LRRC39: variants seen among roughly 807,000 people sequenced by gnomAD.
LRRC39 encodes the protein leucine rich repeat containing 39.
Under a neutral mutation model 39.7 loss-of-function variants are expected in LRRC39, and 35 were observed. That is an observed-to-expected ratio of 0.88 (90% CI 0.67 to 1.17). The LOEUF (loss-of-function observed/expected upper bound fraction) is 1.17, where lower values mean the gene tolerates loss of function less well. Among genes scored for constraint, LRRC39 ranks in the 50% most tolerant of loss-of-function variants. The pLI is 0.00. For synonymous variants in LRRC39, 113 were observed against 134.1 expected, an observed-to-expected ratio of 0.84 and a Z score of 1.09; for missense variants, 357 against 385.8, an observed-to-expected ratio of 0.93 and a Z score of 0.62.
At chr1:100,156,989 A>T (rs1452176915) in intron 6 of LRRC39, among the ~76,000 whole-genome samples, 1 of 152,222 alleles carries the variant, frequency 6.6e-6, no homozygotes, top group Non-Finnish European at 1.5e-5. Context: ...GTCTCAAAAA[A>T]AAAGACTGGT....
rs558157068 is a variant in LRRC39, at chr1:100,155,005, CAGAA to C, written c.812+42_812+45del. The C allele has an allele frequency of 1.4e-4, 209 of 1,509,644 alleles. No individual in the cohort carries two copies. In the Middle Eastern group the frequency reaches 2.1e-3, roughly 15 times the overall value. The allele number at this position is 1,509,644 out of a possible 1,614,324, so 93.5% of individuals were successfully genotyped here. On this transcript the variant is annotated intron_variant, in intron 8 of 9. Transcript: ENST00000370137. Reference sequence around the variant, plus strand: ...TCTCTACAGTACTTTTTTCTGTAGCCAGAAAGAAAGCAAGGTTTTTCAGTTTTGT... The same window carrying C: ...TCTCTACAGTACTTTTTTCTGTAGCCAGAAAGCAAGGTTTTTCAGTTTTGT...
chr1:100,174,378 A>G (rs942364755), intron 1 of LRRC39, among the ~76,000 whole-genome samples: 1 of 151,760 alleles, frequency 6.6e-6, no homozygotes, highest in African/African-American at 2.4e-5. Context: ...GCTCACTGCA[A>G]CCTCCACCTC....
chr1:100,155,403 T>C (rs1658390090), intron 7 of LRRC39, among the ~76,000 whole-genome samples, 200 bp from the exon 8 acceptor site: 2 of 152,148 alleles, frequency 1.3e-5, no homozygotes, highest in South Asian at 4.1e-4. Context: ...CAGCCTTTGG[T>C]TCTTATGTTA....
intron 5 of LRRC39, among the ~76,000 whole-genome samples, chr1:100,158,856 G>GAAAAA (rs59271444): frequency 1.2e-4 from 17 of 141,178 alleles, no homozygotes; most frequent in African/African-American, 4.4e-4. Flanking sequence ...CGTGCAATAG[G>GAAAAA]AAAAAAAAAA....
At chr1:100,176,108 TA>T (rs1421531504) in intron 1 of LRRC39, among the ~76,000 whole-genome samples, 1 of 151,994 alleles carries the variant, frequency 6.6e-6, no homozygotes, top group Non-Finnish European at 1.5e-5. Context: ...TACATGATAG[TA>T]AAAAAATTAA....
intron 6 of LRRC39, among the ~76,000 whole-genome samples, chr1:100,156,939 C>G (rs1658503878): frequency 1.3e-5 from 2 of 151,980 alleles, no homozygotes; most frequent in African/African-American, 4.8e-5. Flanking sequence ...GAGCCAGAAT[C>G]ACACCACTGT....
At chr1:100,153,634 CATTTCCCAA>C (rs1237104539) in intron 8 of LRRC39, among the ~76,000 whole-genome samples, 6 of 152,178 alleles carry the variant, frequency 3.9e-5, no homozygotes, top group Admixed American at 2.0e-4. Context: ...CATGAACAGA[CATTTCCCAA>C]AAGAAGACAT....
At chr1:100,160,612 A>G (rs767208112) in intron 3 of LRRC39, 41 bp from the exon 4 acceptor site, 13 of 1,490,076 alleles carry the variant, frequency 8.7e-6, no homozygotes, top group Non-Finnish European at 1.1e-5. Context: ...AGACAATTAC[A>G]TAAGTGGCAT....
intron 3 of LRRC39, among the ~76,000 whole-genome samples, chr1:100,165,609 G>T (rs1417065930): frequency 6.6e-6 from 1 of 152,106 alleles, no homozygotes; most frequent in African/African-American, 2.4e-5. Context: ...ACAAATCATT[G>T]CTTATCAGTA....
rs1271433544 is a variant in LRRC39 at position 100,168,382 on chromosome 1, TAATA to T, written c.113+18_113+21del. 5.9e-6 allele frequency: 9 copies of T among 1,530,588 alleles called. No individual in the cohort carries two copies. Among genetic ancestry groups the T allele is most frequent in the Non-Finnish European group, 8.0e-6 (9 of 1,120,346 alleles). The allele number at this position is 1,530,588 out of a possible 1,614,324, so 94.8% of individuals were successfully genotyped here. On this transcript the variant is annotated intron_variant, in intron 3 of 9. Coordinates refer to ENST00000370137, the MANE Select transcript of LRRC39 (RefSeq NM_144620.4). ...AATATGAATTTTCACTAATTCAAAA[TAATA>T]AATATGTTTTAGCATACTTGTGTTG...
chr1:100,159,498 A>G (rs1471798452), intron 4 of LRRC39, 83 bp from the exon 5 acceptor site: 20 of 1,120,440 alleles, frequency 1.8e-5, no homozygotes, highest in Non-Finnish European at 2.4e-5. Flanking sequence ...TATTTGACTT[A>G]TACAAGCACT....
rs776130475 is a variant in LRRC39, at chr1:100,160,589, C to T, written c.114-18G>A. ...GCACTAGCCTAGGAAACCAGGAAAT[C>T]ATTTTAGTTCATAGACAATTACATA... is the stretch of plus-strand genomic sequence containing the variant. On this transcript the variant is annotated intron_variant, in intron 3 of 9. Coordinates refer to ENST00000370137, the MANE Select transcript of LRRC39 (RefSeq NM_144620.4). 6.4e-7 allele frequency: 1 copy of T among 1,561,650 alleles called. No individual in the cohort carries two copies. The highest frequency in any genetic ancestry group is 8.7e-7 in the Non-Finnish European group (1 of 1,144,356).
At position 100,152,493 on chromosome 1, in the gene LRRC39, A is replaced by G. The variant is rs769363916; in HGVS notation, c.844T>C (p.Leu282=). 12 of 1,613,976 alleles carry G rather than the reference A, an allele frequency of 7.4e-6. No individual in the cohort carries two copies. The highest frequency in any genetic ancestry group is 2.2e-5 in the East Asian group (1 of 44,842). ...TCACTGGGAGGAAGTGATACTTTCA[A>G]TTTCAGTGGGTTGTCTCTGAAGTTG... The part of the protein sequence containing the change: ...FVNFRDNPLK[L]KVSLPPSEGT... The change falls in exon 9 of 10, where the codon TTG becomes CTG. Residue 282 remains leucine (L), a synonymous_variant. Transcript: ENST00000370137.
rs1374797165 is a variant in LRRC39 at position 100,148,772 on chromosome 1, G to A, written c.*270C>T. 6.4e-7 allele frequency: 1 copy of A among 1,557,888 alleles called. No homozygotes were observed. Among genetic ancestry groups the A allele is most frequent in the Non-Finnish European group, 8.6e-7 (1 of 1,156,506 alleles). On this transcript the variant is annotated 3_prime_UTR_variant, in exon 10 of 10. Transcript: ENST00000370137. Reference sequence around the variant, plus strand: ...CTCTGGTGTCTTTGGAAAATGTTTTGTTAACTGCTTTACCAAATCATTCTT... The same window carrying A: ...CTCTGGTGTCTTTGGAAAATGTTTTATTAACTGCTTTACCAAATCATTCTT...
At chr1:100,155,570 T>G (rs1479965323) in intron 7 of LRRC39, among the ~76,000 whole-genome samples, 1 of 152,232 alleles carries the variant, frequency 6.6e-6, no homozygotes, top group Non-Finnish European at 1.5e-5. Context: ...AATCAACATA[T>G]TCTAGAATTC....
chr1:100,171,674 T>G (rs1340076265), intron 2 of LRRC39, among the ~76,000 whole-genome samples: 3 of 151,258 alleles, frequency 2.0e-5, no homozygotes, highest in Non-Finnish European at 4.4e-5. Flanking sequence ...GGCTTGTTTT[T>G]TTTTTTTTTT....
At chr1:100,158,131 A>T in intron 6 of LRRC39, 100 bp downstream of exon 6, 1 of 1,299,368 alleles carries the variant, frequency 7.7e-7, no homozygotes, top group Non-Finnish European at 1.1e-6. Context: ...TGAAATACAT[A>T]GAATTTTCTC....
chr1:100,179,132 C>T (rs1367334315), upstream of LRRC39, among the ~76,000 whole-genome samples: 1 of 152,064 alleles, frequency 6.6e-6, no homozygotes, highest in African/African-American at 2.4e-5. Context: ...AGCAGTTTAG[C>T]GTGTAGGTGG....
chr1:100,161,479 T>C (rs1225656286), intron 3 of LRRC39, among the ~76,000 whole-genome samples: 2 of 152,236 alleles, frequency 1.3e-5, no homozygotes, highest in East Asian at 1.9e-4. Flanking sequence ...CTACCACATT[T>C]TGTTTACCAA....
Sources: allele counts gnomAD v4.1 joint callset (sites outside exome capture counted in the v4.1 genomes callset), GRCh38; gene constraint gnomAD v4.1.1; transcripts MANE v1.5; gene names NCBI Gene and HGNC (gene_info 2026-07-23, HGNC 2026-07-21).